The following CELF4 variants were observed in gnomAD, a reference collection of about 807,000 sequenced individuals.
CELF4 encodes CUGBP Elav-like family member 4.
CELF4 carries 18 observed loss-of-function variants against 59.9 expected under a neutral mutation model. The ratio of observed to expected loss-of-function variants is 0.30; its 90% CI spans 0.21 to 0.45. The LOEUF is 0.45. Ranked by LOEUF, CELF4 falls within the 20% of genes least tolerant of loss-of-function variation. CELF4 has a pLI of 1.00. For missense variants in CELF4, 456 were observed against 689.0 expected (o/e 0.66, Z 3.79); for synonymous variants, 261 against 267.1 (o/e 0.98, Z 0.22).
intron 2 of CELF4, among the ~76,000 whole-genome samples, chr18:37,473,126 A>G (rs9946043): frequency 0.73 from 110,260 of 152,080 alleles, 41,478 homozygotes; most frequent in South Asian, 0.89. Flanking sequence ...AGCCCGTGCT[A>G]TCCCTGGTCC....
intron 1 of CELF4, among the ~76,000 whole-genome samples, chr18:37,557,388 T>C (rs1485372263): frequency 6.6e-6 from 1 of 152,246 alleles, no homozygotes. Flanking sequence ...ACAACAGTTC[T>C]CACAATCCCG....
intron 2 of CELF4, among the ~76,000 whole-genome samples, chr18:37,342,096 G>A (rs2098068860): frequency 6.6e-6 from 1 of 152,052 alleles, no homozygotes; most frequent in South Asian, 2.1e-4. Context: ...CATCCTTGGT[G>A]CCACACACAA....
intron 1 of CELF4, among the ~76,000 whole-genome samples, chr18:37,555,701 TC>T (rs1214532736): frequency 6.6e-6 from 1 of 152,222 alleles, no homozygotes; most frequent in Non-Finnish European, 1.5e-5. Context: ...CACAACTGAA[TC>T]ACTCTGGGCT....
rs745819955 is a variant in CELF4 at position 37,274,736 on chromosome 18, G to A, written c.657+69C>T. On this transcript the variant is annotated intron_variant, in intron 5 of 12. Transcript: ENST00000420428. ...TCTTGGGGAGACTGGACAGCCGGCG[G>A]GGCGTGGCGGGTGCTGGGGTCTCGG... 2.3e-5 allele frequency: 34 copies of A among 1,508,604 alleles called. No individual in the cohort carries two copies. In the East Asian group the frequency reaches 6.9e-4, roughly 31 times the overall value. 93.5% of individuals were successfully genotyped at this position (1,508,604 alleles called of 1,614,324 possible).
intron 1 of CELF4, among the ~76,000 whole-genome samples, chr18:37,494,309 G>A (rs997356121): frequency 3.9e-5 from 6 of 152,194 alleles, no homozygotes; most frequent in African/African-American, 9.7e-5. Flanking sequence ...TTTCAGCAAA[G>A]AGCTCCTCCA....
chr18:37,431,362 C>CTTTTTTT (rs35971960), intron 2 of CELF4, among the ~76,000 whole-genome samples: 89 of 81,540 alleles, frequency 1.1e-3, no homozygotes, highest in Admixed American at 1.4e-3. Context: ...CCTTTCTTTC[C>CTTTTTTT]TTTTTTTTTT....
At chr18:37,488,447 G>T (rs1031157079) in intron 1 of CELF4, among the ~76,000 whole-genome samples, 1 of 152,174 alleles carries the variant, frequency 6.6e-6, no homozygotes, top group East Asian at 1.9e-4. Flanking sequence ...AGCTAATTTG[G>T]TGGGGCCAAT....
chr18:37,512,633 C>T (rs62644908), intron 1 of CELF4, among the ~76,000 whole-genome samples: 27,268 of 150,212 alleles, frequency 0.18, 2,601 homozygotes, highest in South Asian at 0.24. Context: ...CCTCTTTGTC[C>T]TCTTCTTCCT....
intron 1 of CELF4, among the ~76,000 whole-genome samples, chr18:37,528,697 T>C (rs939785130): frequency 6.6e-6 from 1 of 152,104 alleles, no homozygotes; most frequent in Non-Finnish European, 1.5e-5. Flanking sequence ...TTCTGGAGAC[T>C]GGGATGGGGT....
chr18:37,416,740 C>G (rs1302202182), intron 2 of CELF4, among the ~76,000 whole-genome samples: 1 of 152,206 alleles, frequency 6.6e-6, no homozygotes, highest in Non-Finnish European at 1.5e-5. Flanking sequence ...TGTGTCCTGG[C>G]CCTGTGAACA....
chr18:37,273,405 T>C, intron 6 of CELF4: 1 of 1,258,406 alleles, frequency 7.9e-7, no homozygotes, highest in East Asian at 3.3e-5. Flanking sequence ...ACTCCAAAGT[T>C]GTTGCTAGGG....
chr18:37,252,216 A>G (rs1007628002), intron 12 of CELF4, among the ~76,000 whole-genome samples: 2 of 152,122 alleles, frequency 1.3e-5, no homozygotes, highest in Admixed American at 6.5e-5. Context: ...CTTTCTCCCA[A>G]TCCCTCTGTT....
At chr18:37,384,286 A>T (rs971526219) in intron 2 of CELF4, among the ~76,000 whole-genome samples, 8 of 152,112 alleles carry the variant, frequency 5.3e-5, no homozygotes, top group Non-Finnish European at 1.2e-4. Context: ...TAATATGCAA[A>T]TTCTAAGTGG....
At chr18:37,487,579 CCGTGA>C (rs1442903524) in intron 1 of CELF4, among the ~76,000 whole-genome samples, 3 of 152,294 alleles carry the variant, frequency 2.0e-5, no homozygotes, top group African/African-American at 7.2e-5. Flanking sequence ...TCAGAGGCCC[CCGTGA>C]CGTCGTCCCT....
intron 2 of CELF4, among the ~76,000 whole-genome samples, chr18:37,432,295 G>C (rs1374632535): frequency 6.6e-6 from 1 of 152,268 alleles, no homozygotes; most frequent in Non-Finnish European, 1.5e-5. Context: ...GAGGCCCGGA[G>C]ACTGGTTTCC....
chr18:37,500,229 G>A (rs1262167716), intron 1 of CELF4, among the ~76,000 whole-genome samples: 4 of 152,198 alleles, frequency 2.6e-5, no homozygotes, highest in South Asian at 4.1e-4. Flanking sequence ...GACGGCAGGC[G>A]GCAGCCATGG....
intron 2 of CELF4, among the ~76,000 whole-genome samples, chr18:37,418,383 C>T (rs1257740096): frequency 6.6e-6 from 1 of 152,208 alleles, no homozygotes; most frequent in African/African-American, 2.4e-5. Flanking sequence ...TGTTTGTCTC[C>T]CCAGTGGCTC....
rs544614971 is a variant in CELF4, at chr18:37,551,190, G to A, written c.286+14166C>T. 5.3e-5 allele frequency among the ~76,000 whole-genome samples: 8 copies of A among 152,226 alleles called. No individual in the cohort carries two copies. In the East Asian group the frequency reaches 1.4e-3, roughly 26 times the overall value. On this transcript the variant is annotated intron_variant, in intron 1 of 12. Coordinates refer to ENST00000420428, the MANE Select transcript of CELF4 (RefSeq NM_020180.4). ...TCAGTCACTCCAGCTCTATGACTGAGCCCAGTTCTGTTCTCCCCTGAGAAA... is the reference window on the plus strand; with the variant it reads ...TCAGTCACTCCAGCTCTATGACTGAACCCAGTTCTGTTCTCCCCTGAGAAA...
chr18:37,558,146 C>T (rs1188846765), intron 1 of CELF4, among the ~76,000 whole-genome samples: 2 of 151,878 alleles, frequency 1.3e-5, no homozygotes, highest in South Asian at 4.2e-4. Flanking sequence ...GGACTACAGG[C>T]TTGCACCACC....
Sources: allele counts gnomAD v4.1 joint callset (sites outside exome capture counted in the v4.1 genomes callset), GRCh38; gene constraint gnomAD v4.1.1; transcripts MANE v1.5; gene names NCBI Gene and HGNC (gene_info 2026-07-23, HGNC 2026-07-21).